Variants in IL1RAPL2 observed in about 807,000 individuals in gnomAD.
IL1RAPL2 encodes X-linked interleukin-1 receptor accessory protein-like 2.
A neutral mutation model predicts 44.1 loss-of-function variants in IL1RAPL2; 3 were observed. That is an observed-to-expected ratio of 0.07 (90% CI 0.03 to 0.18). The LOEUF (loss-of-function observed/expected upper bound fraction) is 0.18. IL1RAPL2 is among the 10% of genes least tolerant of loss of function. The probability of loss-of-function intolerance (pLI) is 1.00; values close to 1 mark genes in which losing one functional copy is unlikely to be tolerated. For missense variants in IL1RAPL2, 391 were observed against 496.4 expected (o/e 0.79, Z 2.02); for synonymous variants, 181 against 178.8 (o/e 1.01, Z -0.10).
At chrX:104,997,284 A>T (rs998301248) in intron 2 of IL1RAPL2, among the ~76,000 whole-genome samples, 2 of 112,171 alleles carry the variant, frequency 1.8e-5, no homozygotes, top group Admixed American at 1.9e-4. Context: ...TATTGAAATG[A>T]CAATATTTTG....
chrX:104,721,927 C>T (rs996354267), intron 2 of IL1RAPL2, among the ~76,000 whole-genome samples: 4 of 111,091 alleles, frequency 3.6e-5, no homozygotes, highest in Non-Finnish European at 7.6e-5. Flanking sequence ...ACTTTCATTC[C>T]TGCTTGCCCT....
At chrX:105,081,178 C>T (rs1334901096) in intron 2 of IL1RAPL2, among the ~76,000 whole-genome samples, 1 of 111,323 alleles carries the variant, frequency 9.0e-6, no homozygotes, top group Non-Finnish European at 1.9e-5. Flanking sequence ...GACAATTTGA[C>T]ATCCTCTTTT....
chrX:104,962,362 C>A (rs2030025278), intron 2 of IL1RAPL2, among the ~76,000 whole-genome samples: 1 of 111,658 alleles, frequency 9.0e-6, no homozygotes, highest in African/African-American at 3.3e-5. Flanking sequence ...TAGTAATTTT[C>A]TTTAGGTTTA....
intron 5 of IL1RAPL2, among the ~76,000 whole-genome samples, chrX:105,308,447 C>T (rs767110361): frequency 8.9e-6 from 1 of 111,893 alleles, no homozygotes; most frequent in South Asian, 3.7e-4. Context: ...TAACCCACAC[C>T]CCTGTTAAAA....
chrX:105,105,351 G>A (rs1000849474), intron 2 of IL1RAPL2, among the ~76,000 whole-genome samples: 26 of 111,726 alleles, frequency 2.3e-4, no homozygotes, highest in Admixed American at 4.8e-4. Context: ...ATATACATGA[G>A]GAGTATGAGG....
intron 2 of IL1RAPL2, among the ~76,000 whole-genome samples, chrX:105,020,024 G>T (rs764333766): frequency 9.0e-6 from 1 of 110,782 alleles, no homozygotes; most frequent in South Asian, 3.8e-4. Context: ...TTTAGATGGG[G>T]TTTCCCTGTT....
At chrX:104,635,294 C>G (rs1354243869) in intron 1 of IL1RAPL2, among the ~76,000 whole-genome samples, 2 of 110,702 alleles carry the variant, frequency 1.8e-5, no homozygotes, top group Non-Finnish European at 3.8e-5. Flanking sequence ...TTCATTTCAA[C>G]TTTGGTGAAT....
rs1302287562 is a variant in IL1RAPL2, at chrX:105,220,555, C to T, written c.357-13263C>T. 3.5e-5 allele frequency: 17 copies of T among 487,728 alleles called. No homozygotes were observed. In the East Asian group the frequency reaches 4.8e-4, roughly 14 times the overall value. The allele number at this position is 487,728 out of a possible 1,213,427, so 40.2% of individuals were successfully genotyped here. A position where few individuals can be genotyped will look rare whatever the true frequency, so the allele number is the denominator to read the frequency against. ...AAGACCGTCCTAATGACCCCCTGAC[C>T]GGCTTGTCCTACCCTAGGACACCTC... On this transcript the variant is annotated intron_variant, in intron 3 of 10. Coordinates refer to ENST00000372582, the MANE Select transcript of IL1RAPL2 (RefSeq NM_017416.2).
chrX:105,543,818 A>G (rs779386142), intron 6 of IL1RAPL2, among the ~76,000 whole-genome samples: 4 of 112,019 alleles, frequency 3.6e-5, no homozygotes, highest in Admixed American at 9.5e-5. Context: ...ATGCCACACT[A>G]GGGCTTTATA....
At chrX:105,596,851 A>C (rs2037214590) in intron 6 of IL1RAPL2, among the ~76,000 whole-genome samples, 1 of 111,868 alleles carries the variant, frequency 8.9e-6, no homozygotes, top group South Asian at 3.7e-4. Flanking sequence ...GTAAGTCCTG[A>C]GATTATAAAA....
intron 2 of IL1RAPL2, among the ~76,000 whole-genome samples, chrX:104,894,645 T>A (rs1923580732): frequency 8.9e-6 from 1 of 112,185 alleles, no homozygotes; most frequent in African/African-American, 3.2e-5. Flanking sequence ...ATCAGGTCAT[T>A]TAAGGACTTC....
chrX:105,513,261 T>A (rs2036485199), intron 6 of IL1RAPL2, among the ~76,000 whole-genome samples: 1 of 111,899 alleles, frequency 8.9e-6, no homozygotes, highest in Non-Finnish European at 1.9e-5. Flanking sequence ...TAGAATTATT[T>A]ATAATCCTTT....
intron 6 of IL1RAPL2, among the ~76,000 whole-genome samples, chrX:105,588,294 T>C (rs748976473): frequency 1.8e-5 from 2 of 111,613 alleles, no homozygotes; most frequent in South Asian, 3.8e-4. Flanking sequence ...TGCAATTGCA[T>C]GTGAATCTAT....
chrX:104,904,690 T>C (rs1480378003), intron 2 of IL1RAPL2, among the ~76,000 whole-genome samples: 1 of 110,257 alleles, frequency 9.1e-6, no homozygotes, highest in South Asian at 4.0e-4. Context: ...ATTTTCTCAA[T>C]CCAGTCTATC....
At chrX:105,309,251 G>C (rs1418545961) in intron 5 of IL1RAPL2, among the ~76,000 whole-genome samples, 1 of 106,437 alleles carries the variant, frequency 9.4e-6, no homozygotes, top group East Asian at 3.1e-4. Flanking sequence ...TGGCCAGGCT[G>C]GTCTCAAACT....
At chrX:104,585,274 TATATATTATATA>T (rs1234111614) in intron 1 of IL1RAPL2, among the ~76,000 whole-genome samples, 1 of 18,891 alleles carries the variant, frequency 5.3e-5, no homozygotes, top group African/African-American at 5.6e-4. Flanking sequence ...TAATATATTA[TATATATTATATA>T]ATATATTATA....
At chrX:105,742,548 T>C (rs1352165436) in intron 8 of IL1RAPL2, among the ~76,000 whole-genome samples, 1 of 110,643 alleles carries the variant, frequency 9.0e-6, no homozygotes, top group African/African-American at 3.3e-5. Flanking sequence ...CACACTGTAA[T>C]ACTCTGCTAC....
chrX:105,724,984 G>C (rs2038338893), intron 7 of IL1RAPL2, among the ~76,000 whole-genome samples: 1 of 111,515 alleles, frequency 9.0e-6, no homozygotes, highest in Non-Finnish European at 1.9e-5. Context: ...CAAGAGGCTT[G>C]AGAATTTTGT....
chrX:105,363,289 A>AATATATATATATATATATATAAT (rs61486978), intron 5 of IL1RAPL2, among the ~76,000 whole-genome samples: 2 of 76,236 alleles, frequency 2.6e-5, no homozygotes, highest in Non-Finnish European at 4.4e-5. Flanking sequence ...ATATATATAT[A>AATATATATATATATATATATAAT]ATATATATAT....
Sources: allele counts gnomAD v4.1 joint callset (sites outside exome capture counted in the v4.1 genomes callset), GRCh38; gene constraint gnomAD v4.1.1; transcripts MANE v1.5; gene names NCBI Gene and HGNC (gene_info 2026-07-23, HGNC 2026-07-21).